The following CORIN variants were observed in gnomAD, a reference collection of about 807,000 sequenced individuals.
CORIN encodes the protein corin, serine peptidase, also known as atrial natriuretic peptide-converting enzyme.
A neutral mutation model predicts 125.3 loss-of-function variants in CORIN; 117 were observed. The ratio of observed to expected loss-of-function variants is 0.93; its 90% CI spans 0.80 to 1.09. CORIN has a LOEUF of 1.09. Ranked by LOEUF, CORIN falls within the 50% of genes least tolerant of loss-of-function variation. The pLI is 0.00. For missense variants in CORIN, 1,253 were observed against 1,306.7 expected (o/e 0.96, Z 0.63); for synonymous variants, 450 against 466.4 (o/e 0.96, Z 0.45).
chr4:47,833,787 C>G (rs1162219344), intron 1 of CORIN, among the ~76,000 whole-genome samples: 7 of 151,932 alleles, frequency 4.6e-5, no homozygotes, highest in Admixed American at 4.6e-4. Flanking sequence ...ATAAAAATGG[C>G]CAGTAAGTAT....
At chr4:47,791,432 T>A (rs906383534) in intron 2 of CORIN, among the ~76,000 whole-genome samples, 3 of 152,188 alleles carry the variant, frequency 2.0e-5, no homozygotes, top group Non-Finnish European at 4.4e-5. Context: ...ATTTGTACTA[T>A]CTTTTTAAGC....
Position 47,680,150 on chromosome 4 carries a change from C to T in CORIN, c.1123G>A (p.Val375Ile), listed in dbSNP as rs1186853779. Reference sequence around the variant, plus strand: ...TCCTCAGAGCACTCACAGCAGTTGACCTCGTCAGACTTATCCACACAGTCG... The same window carrying T: ...TCCTCAGAGCACTCACAGCAGTTGATCTCGTCAGACTTATCCACACAGTCG... ...DHDCVDKSDE[V>I]NCSCHSQGLV... is the part of the protein sequence containing the mutation. The change falls in exon 8 of 22, where the codon GTC becomes ATC. Residue 375 changes from valine to isoleucine, a missense_variant. Val to Ile is a conservative substitution (Grantham distance 29). Coordinates refer to ENST00000273857, the MANE Select transcript of CORIN (RefSeq NM_006587.4). 5 of 1,610,550 alleles carry T rather than the reference C, an allele frequency of 3.1e-6. No individual in the cohort carries two copies. In the Admixed American group the frequency reaches 8.3e-5, roughly 27 times the overall value.
intron 5 of CORIN, among the ~76,000 whole-genome samples, chr4:47,719,261 C>T (rs953835745): frequency 6.6e-6 from 1 of 152,192 alleles, no homozygotes; most frequent in Admixed American, 6.5e-5. Flanking sequence ...TTGCTCTTCC[C>T]AGTGAACCAC....
intron 20 of CORIN, among the ~76,000 whole-genome samples, chr4:47,600,984 A>G (rs890860118): frequency 2.6e-5 from 4 of 152,248 alleles, no homozygotes; most frequent in African/African-American, 7.2e-5. Flanking sequence ...GATTTCTTGA[A>G]GCAAGACAGC....
chr4:47,683,422 T>A (rs189309684), intron 7 of CORIN: 1 of 225,284 alleles, frequency 4.4e-6, no homozygotes, highest in East Asian at 1.2e-4. Context: ...AGCCACTGGC[T>A]CTAACCAGAG....
chr4:47,813,102 T>C (rs962338519), intron 1 of CORIN, among the ~76,000 whole-genome samples: 3 of 152,188 alleles, frequency 2.0e-5, no homozygotes, highest in African/African-American at 7.2e-5. Context: ...AACTTTTGCA[T>C]AGCAACCGCC....
intron 1 of CORIN, among the ~76,000 whole-genome samples, chr4:47,811,355 G>A (rs1354161884): frequency 5.9e-5 from 9 of 152,180 alleles, no homozygotes; most frequent in Admixed American, 5.2e-4. Context: ...GAGGTTTTGA[G>A]TCCATTTTAT....
chr4:47,790,501 G>A (rs1731031339), intron 2 of CORIN, among the ~76,000 whole-genome samples: 1 of 151,936 alleles, frequency 6.6e-6, no homozygotes, highest in Non-Finnish European at 1.5e-5. Context: ...TTTTCTCACC[G>A]TTCAAAGTGT....
intron 12 of CORIN, among the ~76,000 whole-genome samples, chr4:47,658,020 C>G (rs1006955316): frequency 6.6e-6 from 1 of 152,150 alleles, no homozygotes; most frequent in African/African-American, 2.4e-5. Context: ...CCAGCATTAA[C>G]TCAAAAGTCC....
chr4:47,674,654 G>C (rs532369486), intron 9 of CORIN, among the ~76,000 whole-genome samples, 154 bp from the exon 10 acceptor site: 1 of 152,144 alleles, frequency 6.6e-6, no homozygotes, highest in South Asian at 2.1e-4. Flanking sequence ...CGTTGAATAG[G>C]TGCTTTCTGG....
intron 5 of CORIN, among the ~76,000 whole-genome samples, chr4:47,734,733 T>C (rs773078234): frequency 1.3e-5 from 2 of 152,140 alleles, no homozygotes; most frequent in Non-Finnish European, 2.9e-5. Flanking sequence ...CCTAACATTT[T>C]AGGCCATGTA....
chr4:47,688,914 C>G lies in CORIN; in HGVS notation c.913+4056G>C, dbSNP rs112361276. Among the ~76,000 whole-genome samples the G allele has an allele frequency of 4.4e-3, 667 of 152,262 alleles. 8 individuals are homozygous for G. The highest frequency in any genetic ancestry group is 0.015 in the African/African-American group (631 of 41,548). ...TTCTAGCATTTACTTGCAGCTACATCTTAGTAGAAAGATTATTATAGATAC... is the reference window on the plus strand; with the variant it reads ...TTCTAGCATTTACTTGCAGCTACATGTTAGTAGAAAGATTATTATAGATAC... On this transcript the variant is annotated intron_variant, in intron 6 of 21. Coordinates refer to ENST00000273857, the MANE Select transcript of CORIN (RefSeq NM_006587.4).
intron 13 of CORIN, among the ~76,000 whole-genome samples, chr4:47,648,908 G>A (rs1723611696): frequency 6.6e-6 from 1 of 152,152 alleles, no homozygotes; most frequent in Admixed American, 6.6e-5. Flanking sequence ...GGCCTAACAG[G>A]TGTGAAGAGC....
chr4:47,621,919 T>C (rs1722328354), intron 19 of CORIN, among the ~76,000 whole-genome samples: 1 of 150,112 alleles, frequency 6.7e-6, no homozygotes, highest in Non-Finnish European at 1.5e-5. Flanking sequence ...TACATATGTA[T>C]ACATGTGCCA....
chr4:47,731,596 C>T (rs1332310232), intron 5 of CORIN, among the ~76,000 whole-genome samples: 2 of 152,162 alleles, frequency 1.3e-5, no homozygotes, highest in Non-Finnish European at 2.9e-5. Context: ...GCTGGCCGGG[C>T]ACGGTGGCTC....
intron 6 of CORIN, among the ~76,000 whole-genome samples, chr4:47,690,567 G>A (rs936818603): frequency 6.6e-6 from 1 of 152,338 alleles, no homozygotes; most frequent in African/African-American, 2.4e-5. Context: ...CAAGTGCTTA[G>A]CTAGAGATCA....
At chr4:47,627,856 G>T (rs570390710) in intron 16 of CORIN, among the ~76,000 whole-genome samples, 1 of 152,192 alleles carries the variant, frequency 6.6e-6, no homozygotes, top group East Asian at 1.9e-4. Context: ...GTATTCATAG[G>T]GCAACAAGAT....
intron 1 of CORIN, among the ~76,000 whole-genome samples, chr4:47,821,671 T>C (rs947902650): frequency 1.6e-4 from 25 of 152,148 alleles, no homozygotes; most frequent in Admixed American, 1.6e-3. Context: ...ACAGTTGGTA[T>C]TCCCAAGCAA....
intron 5 of CORIN, among the ~76,000 whole-genome samples, chr4:47,695,221 CCT>C (rs1725935805): frequency 6.6e-6 from 1 of 152,166 alleles, no homozygotes; most frequent in African/African-American, 2.4e-5. Flanking sequence ...TGTACAATAT[CCT>C]CTCTCTGGGT....
Sources: allele counts gnomAD v4.1 joint callset (sites outside exome capture counted in the v4.1 genomes callset), GRCh38; gene constraint gnomAD v4.1.1; transcripts MANE v1.5; gene names NCBI Gene and HGNC (gene_info 2026-07-23, HGNC 2026-07-21).